Variants in CCDC149 observed in about 807,000 individuals in gnomAD.
CCDC149 encodes coiled-coil domain-containing protein 149.
A neutral mutation model predicts 59.9 loss-of-function variants in CCDC149; 45 were observed. The observed-to-expected ratio is 0.75, with a 90% CI of 0.59 to 0.96. The LOEUF (loss-of-function observed/expected upper bound fraction) is 0.96, where lower values mean the gene tolerates loss of function less well. CCDC149 is among the 40% of genes least tolerant of loss of function. The pLI is 0.00. For synonymous variants in CCDC149, 245 were observed against 260.6 expected, an observed-to-expected ratio of 0.94 and a Z score of 0.58; for missense variants, 584 against 664.7, an observed-to-expected ratio of 0.88 and a Z score of 1.33.
chr4:24,839,280 C>G (rs899499255), intron 4 of CCDC149, among the ~76,000 whole-genome samples: 10 of 151,846 alleles, frequency 6.6e-5, no homozygotes, highest in Non-Finnish European at 1.5e-4. Flanking sequence ...CCTGGGTTCA[C>G]GCCATCCTCC....
intron 4 of CCDC149, among the ~76,000 whole-genome samples, chr4:24,847,571 G>A (rs192131906): frequency 1.3e-5 from 2 of 152,324 alleles, no homozygotes; most frequent in African/African-American, 4.8e-5. Flanking sequence ...TAATTAGCAT[G>A]TAGGAAGTCC....
At chr4:24,867,952 T>A (rs1393363671) in intron 3 of CCDC149, among the ~76,000 whole-genome samples, 1 of 152,152 alleles carries the variant, frequency 6.6e-6, no homozygotes, top group East Asian at 1.9e-4. Flanking sequence ...TATACATACA[T>A]CTCGTGACCT....
intron 1 of CCDC149, among the ~76,000 whole-genome samples, chr4:24,891,973 T>C (rs1244563507): frequency 6.6e-6 from 1 of 152,054 alleles, no homozygotes; most frequent in Non-Finnish European, 1.5e-5. Context: ...CATTCCAGCC[T>C]GGGGGAGAGA....
chr4:24,934,838 G>A (rs1722694835), intron 1 of CCDC149, among the ~76,000 whole-genome samples: 1 of 152,252 alleles, frequency 6.6e-6, no homozygotes, highest in African/African-American at 2.4e-5. Context: ...ATGGGATGTG[G>A]CTGAAGAAAG....
At chr4:24,921,482 T>C (rs1722293691) in intron 1 of CCDC149, among the ~76,000 whole-genome samples, 1 of 152,222 alleles carries the variant, frequency 6.6e-6, no homozygotes, top group Admixed American at 6.5e-5. Flanking sequence ...TCTCTATGGC[T>C]CTCCTACAAT....
At position 24,822,480 on chromosome 4, in the gene CCDC149, C is replaced by T. The variant is rs949546151; in HGVS notation, c.1042+17G>A. 7.0e-7 allele frequency: 1 copy of T among 1,438,716 alleles called. No homozygotes were observed. 89.1% of individuals were successfully genotyped at this position (1,438,716 alleles called of 1,614,324 possible). ...AAAAAAAAAAAAGGAAAATTGTTTT[C>T]ATGAGGTTCTGTTTACCTGGAAGAC... is the stretch of plus-strand genomic sequence containing the variant. On this transcript the variant is annotated intron_variant, in intron 10 of 12. Transcript: ENST00000635206.
At chr4:24,978,479 G>A (rs1023260752) in intron 1 of CCDC149, among the ~76,000 whole-genome samples, 4 of 152,136 alleles carry the variant, frequency 2.6e-5, no homozygotes, top group African/African-American at 9.7e-5. Context: ...TTCTATTTCT[G>A]TTGGCAGCAC....
chr4:24,825,590 G>A (rs1412856133), intron 9 of CCDC149, among the ~76,000 whole-genome samples: 1 of 151,986 alleles, frequency 6.6e-6, no homozygotes, highest in Non-Finnish European at 1.5e-5. Flanking sequence ...TGGCTAACAT[G>A]GTGAAACCCC....
intron 1 of CCDC149, among the ~76,000 whole-genome samples, chr4:24,927,583 C>T (rs1722463931): frequency 2.0e-5 from 3 of 152,284 alleles, no homozygotes; most frequent in African/African-American, 7.2e-5. Flanking sequence ...GTGCTGAAAC[C>T]TTCTCCTAGC....
intron 1 of CCDC149, among the ~76,000 whole-genome samples, chr4:24,927,658 C>T (rs10517060): frequency 0.089 from 13,519 of 152,138 alleles, 878 homozygotes; most frequent in Non-Finnish European, 0.14. Context: ...AGGAACTACT[C>T]GTATATTTGG....
At chr4:24,826,113 G>A (rs1475600859) in intron 9 of CCDC149, among the ~76,000 whole-genome samples, 2 of 151,658 alleles carry the variant, frequency 1.3e-5, no homozygotes, top group East Asian at 3.9e-4. Context: ...CTGCTGCCAC[G>A]CCTGGCTAAT....
At chr4:24,871,042 C>CAAAAA (rs35580363) in intron 3 of CCDC149, among the ~76,000 whole-genome samples, 5 of 77,960 alleles carry the variant, frequency 6.4e-5, no homozygotes, top group Admixed American at 1.4e-4. Flanking sequence ...GAGACTCCCT[C>CAAAAA]AAAAAAAAAA....
intron 3 of CCDC149, among the ~76,000 whole-genome samples, chr4:24,858,613 A>G (rs1486612036): frequency 6.6e-6 from 1 of 152,198 alleles, no homozygotes; most frequent in African/African-American, 2.4e-5. Context: ...CCGAAAGGAT[A>G]TGACAGCTTT....
chr4:24,874,255 T>G (rs867113482), intron 2 of CCDC149, among the ~76,000 whole-genome samples: 3,183 of 80,696 alleles, frequency 0.039, 76 homozygotes, highest in Admixed American at 0.08. Flanking sequence ...TTTTTTTTTT[T>G]TTTTGTTTTG....
chr4:24,886,791 G>T (rs766660940), intron 1 of CCDC149, among the ~76,000 whole-genome samples: 1 of 152,060 alleles, frequency 6.6e-6, no homozygotes, highest in Non-Finnish European at 1.5e-5. Context: ...CGAGGCTCAC[G>T]TGGCTGCCCT....
At chr4:24,956,051 G>T (rs114011027) in intron 1 of CCDC149, among the ~76,000 whole-genome samples, 1 of 152,210 alleles carries the variant, frequency 6.6e-6, no homozygotes, top group East Asian at 1.9e-4. Flanking sequence ...AGACTCTAGC[G>T]GTGGTTCTGA....
chr4:24,812,322 A>G (rs1456594551), intron 12 of CCDC149, among the ~76,000 whole-genome samples: 1 of 152,190 alleles, frequency 6.6e-6, no homozygotes, highest in Admixed American at 6.5e-5. Flanking sequence ...CACTTCCCCC[A>G]GTGATCTGCC....
chr4:24,918,031 C>A (rs1004862357), upstream of CCDC149, among the ~76,000 whole-genome samples: 13 of 151,544 alleles, frequency 8.6e-5, no homozygotes, highest in African/African-American at 3.2e-4. Flanking sequence ...CTGACCCTGT[C>A]GTTCTGGAAG....
upstream of CCDC149, among the ~76,000 whole-genome samples, chr4:24,913,961 G>T (rs1049595897): frequency 2.1e-4 from 32 of 152,208 alleles, no homozygotes; most frequent in Non-Finnish European, 4.1e-4. Flanking sequence ...TCAATAGTGA[G>T]CCCTCTGTAC....
Sources: allele counts gnomAD v4.1 joint callset (sites outside exome capture counted in the v4.1 genomes callset), GRCh38; gene constraint gnomAD v4.1.1; transcripts MANE v1.5; gene names NCBI Gene and HGNC (gene_info 2026-07-23, HGNC 2026-07-21).